The following ADAMTSL1 variants were observed in gnomAD, a reference collection of about 807,000 sequenced individuals.
The protein encoded by ADAMTSL1 is ADAMTS like 1, also known as ADAMTS-like protein 1.
ADAMTSL1 carries 126 observed loss-of-function variants against 201.8 expected under a neutral mutation model. That is an observed-to-expected ratio of 0.62 (90% CI 0.54 to 0.72). The LOEUF is 0.72. ADAMTSL1 is among the 30% of genes least tolerant of loss of function. ADAMTSL1 has a pLI of 0.00. For missense variants in ADAMTSL1, 2,679 were observed against 2,277.8 expected, an observed-to-expected ratio of 1.18 and a Z score of -3.59; for synonymous variants, 1,121 against 903.4, an observed-to-expected ratio of 1.24 and a Z score of -4.32.
chr9:18,794,728 C>A (rs774410511), intron 19 of ADAMTSL1, among the ~76,000 whole-genome samples: 146 of 151,890 alleles, frequency 9.6e-4, no homozygotes, highest in Non-Finnish European at 1.9e-3. Context: ...CTGCCCCCCA[C>A]GTTCAAGTGA....
chr9:18,086,372 A>G (rs901273248), intron 1 of ADAMTSL1, among the ~76,000 whole-genome samples: 22 of 152,248 alleles, frequency 1.4e-4, no homozygotes, highest in Non-Finnish European at 2.4e-4. Flanking sequence ...TTTGAATTCC[A>G]TTGCCTGTGC....
intron 2 of ADAMTSL1, among the ~76,000 whole-genome samples, chr9:18,214,073 T>C (rs1319432461): frequency 6.6e-6 from 1 of 152,170 alleles, no homozygotes; most frequent in African/African-American, 2.4e-5. Flanking sequence ...ATTTTACGTA[T>C]TTAGTGTATT....
chr9:18,683,221 G>GTTTT lies in ADAMTSL1; in HGVS notation c.1489+1267_1489+1270dup, dbSNP rs756275672. 2.0e-4 allele frequency among the ~76,000 whole-genome samples: 10 copies of GTTTT among 51,102 alleles called. 1 individual carries two copies. Among genetic ancestry groups the GTTTT allele is most frequent in the Non-Finnish European group, 3.6e-4 (7 of 19,340 alleles). The allele number at this position is 51,102 out of a possible 152,430, so 33.5% of individuals were successfully genotyped here. ...ACCAGAGACAGCTTCATTTACTGAG[G>GTTTT]TTTTTTTTGTTTTTTTTTTTTGAGA... On this transcript the variant is annotated intron_variant, in intron 12 of 28. Transcript: ENST00000380548.
chr9:18,028,923 G>C (rs149951212), intron 1 of ADAMTSL1, among the ~76,000 whole-genome samples: 2 of 151,976 alleles, frequency 1.3e-5, no homozygotes, highest in Non-Finnish European at 2.9e-5. Flanking sequence ...TGTTTGTGTC[G>C]TCTTTGATTT....
intron 1 of ADAMTSL1, among the ~76,000 whole-genome samples, chr9:17,924,906 A>C (rs1402947984): frequency 9.8e-6 from 1 of 102,274 alleles, no homozygotes; most frequent in Non-Finnish European, 2.0e-5. Context: ...CTACCATCAG[A>C]GTGAACAGGC....
intron 2 of ADAMTSL1, among the ~76,000 whole-genome samples, chr9:18,517,664 C>T (rs1196963590): frequency 2.0e-5 from 3 of 150,236 alleles, no homozygotes; most frequent in Non-Finnish European, 4.4e-5. Flanking sequence ...TGAGATTATG[C>T]AGTGTTTGGT....
chr9:18,505,124 T>C (rs1160736769), intron 2 of ADAMTSL1, among the ~76,000 whole-genome samples, 168 bp downstream of exon 2: 1 of 152,286 alleles, frequency 6.6e-6, no homozygotes, highest in East Asian at 1.9e-4. Context: ...TACGTGTTTT[T>C]ATTTGTGTTC....
chr9:18,002,933 G>A (rs921465318), intron 1 of ADAMTSL1, among the ~76,000 whole-genome samples: 4 of 152,178 alleles, frequency 2.6e-5, no homozygotes, highest in African/African-American at 9.6e-5. Context: ...CACTGTGACT[G>A]CGGACCCACT....
intron 2 of ADAMTSL1, among the ~76,000 whole-genome samples, chr9:18,230,751 A>G (rs1193171899): frequency 1.3e-5 from 2 of 152,212 alleles, no homozygotes; most frequent in African/African-American, 4.8e-5. Flanking sequence ...TAATTAATTA[A>G]TTAATTACAA....
intron 1 of ADAMTSL1, among the ~76,000 whole-genome samples, chr9:18,118,753 A>C (rs1013096053): frequency 6.6e-6 from 1 of 152,198 alleles, no homozygotes. Context: ...TTTGACACAG[A>C]GTAGAGCCAA....
chr9:18,679,560 A>T lies in ADAMTSL1; in HGVS notation c.1137-752A>T, dbSNP rs118043767. ...TTGTTATTTTCTACCTTACTTAACTATATGTCTACTTTCAGATGCCATTAG... is the reference window on the plus strand; with the variant it reads ...TTGTTATTTTCTACCTTACTTAACTTTATGTCTACTTTCAGATGCCATTAG... On this transcript the variant is annotated intron_variant, in intron 10 of 28. Coordinates refer to ENST00000380548, the MANE Select transcript of ADAMTSL1 (RefSeq NM_001040272.6). Among the ~76,000 whole-genome samples the T allele has an allele frequency of 2.6e-5, 4 of 152,294 alleles. No individual in the cohort carries two copies. The East Asian group carries it at 7.7e-4, about 29-fold the overall frequency.
chr9:18,056,910 A>T (rs1027393342), intron 1 of ADAMTSL1, among the ~76,000 whole-genome samples: 5 of 152,042 alleles, frequency 3.3e-5, no homozygotes, highest in African/African-American at 1.2e-4. Context: ...TCAAGACTGG[A>T]GCCTTAAAAT....
At chr9:18,316,997 A>G (rs1423396920) in intron 2 of ADAMTSL1, among the ~76,000 whole-genome samples, 2 of 152,198 alleles carry the variant, frequency 1.3e-5, no homozygotes, top group African/African-American at 4.8e-5. Context: ...TGGATGGATG[A>G]GTGGATAGGA....
At chr9:18,154,016 G>A (rs1000247707) in intron 1 of ADAMTSL1, among the ~76,000 whole-genome samples, 2 of 152,006 alleles carry the variant, frequency 1.3e-5, no homozygotes, top group Admixed American at 6.6e-5. Flanking sequence ...CAAAATCACA[G>A]GGGCCTGCTA....
intron 23 of ADAMTSL1, among the ~76,000 whole-genome samples, chr9:18,854,184 T>C (rs1826698279): frequency 6.6e-6 from 1 of 152,166 alleles, no homozygotes; most frequent in Non-Finnish European, 1.5e-5. Context: ...CCTTATAATA[T>C]CTTTTTGTCT....
chr9:18,741,203 A>G (rs143499245), intron 15 of ADAMTSL1, among the ~76,000 whole-genome samples: 2 of 152,280 alleles, frequency 1.3e-5, no homozygotes, highest in East Asian at 1.9e-4. Context: ...AACCCGTAAA[A>G]TCAAGAATAT....
At chr9:18,065,868 C>T (rs898509896) in intron 1 of ADAMTSL1, among the ~76,000 whole-genome samples, 2 of 151,354 alleles carry the variant, frequency 1.3e-5, no homozygotes, top group East Asian at 3.9e-4. Context: ...GTAATCCCAG[C>T]TATTCAGGAG....
intron 2 of ADAMTSL1, among the ~76,000 whole-genome samples, chr9:18,381,341 A>G (rs1159793936): frequency 2.6e-5 from 4 of 152,204 alleles, no homozygotes; most frequent in African/African-American, 9.6e-5. Context: ...CATTTATTGA[A>G]TACCTACTTT....
Position 18,908,547 on chromosome 9 carries a change from G to A in ADAMTSL1, c.5288G>A (p.Ter1763=). ...TGCTGTGGAACTTGTGGCAAAGCGT[G>A]AAGATAGGGTGTGGGGAAAAACTCT... The part of the protein sequence containing the change: ...SRCCGTCGKA[*] Residue 1763 remains the stop codon, a stop_retained_variant, in exon 29 of 29, where the codon TGA becomes TAA. Coordinates refer to ENST00000380548, the MANE Select transcript of ADAMTSL1 (RefSeq NM_001040272.6). 1 of 1,558,420 alleles carries A rather than the reference G, an allele frequency of 6.4e-7. No individual in the cohort carries two copies. The highest frequency in any genetic ancestry group is 2.4e-5 in the East Asian group (1 of 41,398).
Sources: gnomAD v4.1 joint callset for allele counts (sites outside exome capture counted in the v4.1 genomes callset) on GRCh38, gnomAD v4.1.1 for gene constraint, MANE v1.5 for transcripts, NCBI Gene and HGNC (gene_info 2026-07-23, HGNC 2026-07-21) for gene names.